The following WDR70 variants were observed in gnomAD, a reference collection of about 807,000 sequenced individuals.
The protein encoded by WDR70 is WD repeat-containing protein 70.
In WDR70, 53 loss-of-function variants were observed where a neutral mutation model predicts 88.6. That is an observed-to-expected ratio of 0.60 (90% CI 0.48 to 0.75). WDR70 has a LOEUF of 0.75. Among genes scored for constraint, WDR70 ranks in the 30% least tolerant of loss-of-function variants. WDR70 has a pLI of 0.00. For missense variants in WDR70, 610 were observed against 823.2 expected (o/e 0.74, Z 3.17); for synonymous variants, 280 against 270.0 (o/e 1.04, Z -0.36).
intron 9 of WDR70, among the ~76,000 whole-genome samples, chr5:37,565,133 A>G (rs974556724): frequency 3.3e-5 from 5 of 152,148 alleles, no homozygotes; most frequent in African/African-American, 1.2e-4. Flanking sequence ...GAGTGTTTCA[A>G]TAGTGGCAAA....
chr5:37,487,467 A>G (rs1739907744), intron 8 of WDR70, among the ~76,000 whole-genome samples: 1 of 151,308 alleles, frequency 6.6e-6, no homozygotes, highest in Admixed American at 6.6e-5. Context: ...TATTAATAAT[A>G]TATCTAATCT....
intron 7 of WDR70, among the ~76,000 whole-genome samples, chr5:37,470,865 C>T (rs1739306078): frequency 6.6e-6 from 1 of 151,244 alleles, no homozygotes. Flanking sequence ...ATTGATTATG[C>T]ATACATTCTG....
chr5:37,422,512 C>T (rs1749976571), intron 5 of WDR70, among the ~76,000 whole-genome samples: 4 of 151,952 alleles, frequency 2.6e-5, no homozygotes, highest in Admixed American at 1.3e-4. Context: ...GAGTCTCACT[C>T]TGTCACCCAG....
At chr5:37,420,428 A>C (rs1749909184) in intron 5 of WDR70, among the ~76,000 whole-genome samples, 1 of 151,956 alleles carries the variant, frequency 6.6e-6, no homozygotes, top group African/African-American at 2.4e-5. Context: ...AATCTTGAAA[A>C]AGATTTGTTT....
intron 5 of WDR70, among the ~76,000 whole-genome samples, chr5:37,419,447 A>G (rs1268365444): frequency 2.0e-5 from 3 of 147,656 alleles, no homozygotes; most frequent in African/African-American, 7.5e-5. Flanking sequence ...CTGGTGATCC[A>G]CCTGCCTCAG....
At chr5:37,728,726 C>T (rs1748060284) in intron 17 of WDR70, among the ~76,000 whole-genome samples, 2 of 152,120 alleles carry the variant, frequency 1.3e-5, no homozygotes, top group Non-Finnish European at 2.9e-5. Context: ...TGTAAAGATG[C>T]TTTCATTCTA....
chr5:37,576,449 C>A (rs529623458), intron 9 of WDR70, among the ~76,000 whole-genome samples: 1 of 152,154 alleles, frequency 6.6e-6, no homozygotes, highest in South Asian at 2.1e-4. Flanking sequence ...TGGGACCTTT[C>A]CTCTGATTTT....
intron 9 of WDR70, among the ~76,000 whole-genome samples, chr5:37,551,559 C>A (rs1581386858): frequency 1.3e-5 from 2 of 151,562 alleles, no homozygotes; most frequent in African/African-American, 4.8e-5. Context: ...GAAACCCTGT[C>A]TCTACTAAAA....
At chr5:37,430,414 A>G (rs984914370) in intron 5 of WDR70, among the ~76,000 whole-genome samples, 1 of 152,218 alleles carries the variant, frequency 6.6e-6, no homozygotes, top group African/African-American at 2.4e-5. Context: ...CTAGAATTGG[A>G]CATGAGGGTA....
chr5:37,462,820 C>A (rs934065324), intron 7 of WDR70, among the ~76,000 whole-genome samples: 5 of 151,602 alleles, frequency 3.3e-5, no homozygotes, highest in Non-Finnish European at 7.4e-5. Flanking sequence ...TATTTTTAAT[C>A]CTCACCCAAT....
chr5:37,396,918 G>A (rs1046029839), intron 5 of WDR70, among the ~76,000 whole-genome samples: 6 of 152,202 alleles, frequency 3.9e-5, no homozygotes, highest in East Asian at 1.9e-4. Context: ...CGAGGTGGAC[G>A]GATCGCTTGA....
At chr5:37,559,532 T>C (rs1190898855) in intron 9 of WDR70, among the ~76,000 whole-genome samples, 1 of 152,098 alleles carries the variant, frequency 6.6e-6, no homozygotes. Flanking sequence ...GCCAGAAATG[T>C]GTTAGTCAGT....
chr5:37,661,933 A>T (rs1455208008), intron 10 of WDR70, among the ~76,000 whole-genome samples: 3 of 152,162 alleles, frequency 2.0e-5, no homozygotes, highest in African/African-American at 7.2e-5. Context: ...TCTTGTAACT[A>T]ATTTGTTAGT....
At chr5:37,401,081 C>T (rs553491927) in intron 5 of WDR70, among the ~76,000 whole-genome samples, 57 of 150,990 alleles carry the variant, frequency 3.8e-4, no homozygotes, top group African/African-American at 1.3e-3. Flanking sequence ...TCACTACATC[C>T]TTGACCTCCT....
intron 9 of WDR70, among the ~76,000 whole-genome samples, chr5:37,546,335 CAT>C (rs1741990562): frequency 6.6e-6 from 1 of 152,080 alleles, no homozygotes; most frequent in South Asian, 2.1e-4. Context: ...TCTGTATTGC[CAT>C]ATGTAACGGG....
At chr5:37,487,640 T>TA (rs1259572374) in intron 8 of WDR70, among the ~76,000 whole-genome samples, 1 of 144,184 alleles carries the variant, frequency 6.9e-6, no homozygotes, top group African/African-American at 2.5e-5. Flanking sequence ...TTTTTTTTTT[T>TA]TTTTGAGAGG....
Position 37,557,533 on chromosome 5 carries a change from G to C in WDR70, c.917+40943G>C, listed in dbSNP as rs536695451. Among the ~76,000 whole-genome samples the C allele has an allele frequency of 3.9e-5, 6 of 152,238 alleles. No individual in the cohort carries two copies. The South Asian group carries it at 1.2e-3, about 32-fold the overall frequency. ...TGACTCTCTCACAAGATCAGCAATTGCAAGAGCCTTCCTTTTTTCTTCTCT... is the reference window on the plus strand; with the variant it reads ...TGACTCTCTCACAAGATCAGCAATTCCAAGAGCCTTCCTTTTTTCTTCTCT... On this transcript the variant is annotated intron_variant, in intron 9 of 17. Coordinates refer to ENST00000265107, the MANE Select transcript of WDR70 (RefSeq NM_018034.4).
At chr5:37,666,715 A>G (rs1351925707) in intron 10 of WDR70, among the ~76,000 whole-genome samples, 3 of 152,202 alleles carry the variant, frequency 2.0e-5, no homozygotes, top group Non-Finnish European at 4.4e-5. Flanking sequence ...GAGCAGAGGT[A>G]GCCTGAAATC....
At chr5:37,612,582 C>G (rs1414750314) in intron 10 of WDR70, among the ~76,000 whole-genome samples, 1 of 152,090 alleles carries the variant, frequency 6.6e-6, no homozygotes, top group Non-Finnish European at 1.5e-5. Context: ...CTTTTTAACT[C>G]CTAGGGTACT....
Sources: gnomAD v4.1 joint callset for allele counts (sites outside exome capture counted in the v4.1 genomes callset) on GRCh38, gnomAD v4.1.1 for gene constraint, MANE v1.5 for transcripts, NCBI Gene and HGNC (gene_info 2026-07-23, HGNC 2026-07-21) for gene names.